GJB1: variants seen among roughly 807,000 people sequenced by gnomAD.
The protein encoded by GJB1 is gap junction beta-1 protein.
GJB1 carries 1 observed loss-of-function variant against 12.0 expected under a neutral mutation model. That is an observed-to-expected ratio of 0.08 (90% CI 0.03 to 0.40). The LOEUF is 0.40. GJB1 is among the 10% of genes least tolerant of loss of function. The pLI is 0.98. For missense variants in GJB1, 140 were observed against 250.3 expected, an observed-to-expected ratio of 0.56 and a Z score of 2.97; for synonymous variants, 114 against 102.8, an observed-to-expected ratio of 1.11 and a Z score of -0.66.
upstream of GJB1, among the ~76,000 whole-genome samples, chrX:71,222,078 G>A (rs2092538853): frequency 9.0e-6 from 1 of 110,535 alleles, no homozygotes; most frequent in Non-Finnish European, 1.9e-5. Context: ...GGAGGTCAAG[G>A]CTGCAGTGAG....
upstream of GJB1, among the ~76,000 whole-genome samples, chrX:71,221,281 T>C (rs1001820636): frequency 1.4e-4 from 16 of 111,954 alleles, no homozygotes; most frequent in Admixed American, 7.7e-4. Flanking sequence ...ATAGCCCTGC[T>C]TCCCCATGCT....
In GJB1 at chrX:71,224,623, C is replaced by T; in HGVS notation, c.*64C>T. ...CTGCCCTGGGCGAGCCCCTCCTTCT[C>T]CCCTGCCGGTGCACAGGCCTCTGCC... On this transcript the variant is annotated 3_prime_UTR_variant, in exon 2 of 2. Transcript: ENST00000361726. The T allele has an allele frequency of 3.2e-6, 3 of 948,549 alleles. No homozygotes were observed. The highest frequency in any genetic ancestry group is 4.4e-6 in the Non-Finnish European group (3 of 675,256). The allele number at this position is 948,549 out of a possible 1,213,427, so 78.2% of individuals were successfully genotyped here.
chrX:71,217,996 A>C (rs80146510), intron 1 of GJB1: 1 of 111,858 alleles, frequency 8.9e-6, no homozygotes, highest in Non-Finnish European at 1.9e-5. Context: ...AGTACCTTAG[A>C]AAAAAAAGAG....
chrX:71,220,890 C>CTTTTTTTTTTTTTTTTTTT (rs869189116), upstream of GJB1, among the ~76,000 whole-genome samples: 1 of 34,502 alleles, frequency 2.9e-5, no homozygotes, highest in Non-Finnish European at 4.5e-5. Context: ...TGTTTCTTTC[C>CTTTTTTTTTTTTTTTTTTT]TTTTTTTTTT....
At chrX:71,216,765 G>A (rs1221999436) in intron 1 of GJB1, among the ~76,000 whole-genome samples, 2 of 111,638 alleles carry the variant, frequency 1.8e-5, no homozygotes, top group African/African-American at 6.5e-5. Context: ...GAGAGGCTAA[G>A]TCCAGTGACT....
chrX:71,224,497 C>T lies in GJB1; in HGVS notation c.790C>T (p.Arg264Cys), dbSNP rs587777879. 32 of 1,198,038 alleles carry T rather than the reference C, an allele frequency of 2.7e-5. 1 individual carries two copies. The highest frequency in any genetic ancestry group is 1.5e-4 in the East Asian group (5 of 33,288). ...EQDGSLKDIL[R>C]RSPGTGAGLA... ...GGATGGCTCCCTGAAAGACATACTG[C>T]GCCGCAGCCCTGGCACCGGGGCTGG... Residue 264 changes from arginine (R) to cysteine (C), a missense_variant, in exon 2 of 2, where the codon CGC (arginine) becomes TGC (cysteine). Coordinates refer to ENST00000361726, the MANE Select transcript of GJB1 (RefSeq NM_000166.6).
upstream of GJB1, among the ~76,000 whole-genome samples, chrX:71,219,935 C>T (rs1230695472): frequency 9.9e-6 from 1 of 101,491 alleles, no homozygotes; most frequent in Non-Finnish European, 2.0e-5. Context: ...ATCTGCCTCC[C>T]GGGTTCAAGC....
At chrX:71,220,221 G>A (rs1349063948), upstream of GJB1, among the ~76,000 whole-genome samples, 6 of 93,360 alleles carry the variant, frequency 6.4e-5, no homozygotes, top group Admixed American at 7.5e-4. Flanking sequence ...TAGTAGAGAC[G>A]GGGTTTCACC....
upstream of GJB1, among the ~76,000 whole-genome samples, chrX:71,220,889 C>CTTTTTTTTTTTTT (rs1491472340): frequency 7.6e-5 from 4 of 52,746 alleles, no homozygotes; most frequent in African/African-American, 3.1e-4. Context: ...TTGTTTCTTT[C>CTTTTTTTTTTTTT]CTTTTTTTTT....
At position 71,217,213 on chromosome X, in the gene GJB1, A is replaced by G. The variant is rs777459989; in HGVS notation, c.-17+1942A>G. Among the ~76,000 whole-genome samples, 12 of 111,478 alleles carry G rather than the reference A, an allele frequency of 1.1e-4. No homozygotes were observed. The East Asian group carries it at 3.4e-3, about 32-fold the overall frequency. ...CCTGGTCTCAGAATGCAAACTCCTT[A>G]AAGGAAGAGAGGCCGCCATAAGCAG... is the stretch of plus-strand genomic sequence containing the variant. On this transcript the variant is annotated intron_variant, in intron 1 of 1. Coordinates refer to the GJB1 transcript ENST00000374029.
chrX:71,224,115 C>T lies in GJB1; in HGVS notation c.408C>T (p.Val136=). 1 of 1,206,688 alleles carries T rather than the reference C, an allele frequency of 8.3e-7. No individual in the cohort carries two copies. Among genetic ancestry groups the T allele is most frequent in the Non-Finnish European group, 1.1e-6 (1 of 892,740 alleles). The part of the protein sequence containing the change: ...HISGTLWWTY[V]ISVVFRLLFE... ...CAGGGACACTGTGGTGGACCTATGT[C>T]ATCAGCGTGGTGTTCCGGCTGTTGT... is the stretch of plus-strand genomic sequence containing the variant. Residue 136 remains valine (V), a synonymous_variant, in exon 2 of 2, where the codon GTC becomes GTT. Transcript: ENST00000361726.
At chrX:71,218,707 C>T (rs1482365252), upstream of GJB1, among the ~76,000 whole-genome samples, 1 of 109,911 alleles carries the variant, frequency 9.1e-6, no homozygotes, top group African/African-American at 3.3e-5. Context: ...CACGGTGAAA[C>T]CCCATCTCTA....
chrX:71,221,845 G>T (rs139024980), upstream of GJB1, among the ~76,000 whole-genome samples: 696 of 110,601 alleles, frequency 6.3e-3, 4 homozygotes, highest in African/African-American at 0.022. Context: ...GTCAACAACA[G>T]CATTGGGGAC....
chrX:71,221,321 CTTTT>C (rs1217343399), upstream of GJB1, among the ~76,000 whole-genome samples: 1 of 88,168 alleles, frequency 1.1e-5, no homozygotes, highest in South Asian at 5.6e-4. Context: ...CTCACTAAGG[CTTTT>C]TATTTATTTA....
chrX:71,219,129 A>C (rs2092531392), upstream of GJB1, among the ~76,000 whole-genome samples: 4 of 105,208 alleles, frequency 3.8e-5, no homozygotes, highest in Non-Finnish European at 7.7e-5. Flanking sequence ...TTTAATAAAA[A>C]TGCTACAATG....
At chrX:71,221,972 CAA>C (rs1366414661), upstream of GJB1, among the ~76,000 whole-genome samples, 1 of 98,961 alleles carries the variant, frequency 1.0e-5, no homozygotes, top group Non-Finnish European at 2.1e-5. Flanking sequence ...CCCATCTCTA[CAA>C]AAAAAAAAAA....
At chrX:71,221,668 T>G (rs1049322164), upstream of GJB1, among the ~76,000 whole-genome samples, 1 of 111,274 alleles carries the variant, frequency 9.0e-6, no homozygotes, top group African/African-American at 3.3e-5. Context: ...TCCTTGCAAC[T>G]TAATGGCAGA....
upstream of GJB1, among the ~76,000 whole-genome samples, chrX:71,219,789 A>T (rs1418882320): frequency 5.2e-4 from 52 of 99,997 alleles, no homozygotes; most frequent in Admixed American, 1.7e-3. Context: ...AAAAAAAAAA[A>T]AAAAAAGAAT....
At chrX:71,219,967 T>C (rs1453975404), upstream of GJB1, among the ~76,000 whole-genome samples, 2 of 102,078 alleles carry the variant, frequency 2.0e-5, no homozygotes, top group South Asian at 4.9e-4. Context: ...CTCAGCCTCC[T>C]GAGTAGCTGG....
Sources: allele counts gnomAD v4.1 joint callset (sites outside exome capture counted in the v4.1 genomes callset), GRCh38; gene constraint gnomAD v4.1.1; transcripts MANE v1.5; gene names NCBI Gene and HGNC (gene_info 2026-07-23, HGNC 2026-07-21).